The following XRN2 variants were observed in gnomAD, a reference collection of about 807,000 sequenced individuals.
XRN2 encodes the protein DHM1-like protein.
Under a neutral mutation model 138.5 loss-of-function variants are expected in XRN2, and 44 were observed. That is an observed-to-expected ratio of 0.32 (90% CI 0.25 to 0.41). The LOEUF (loss-of-function observed/expected upper bound fraction) is 0.41, where lower values mean the gene tolerates loss of function less well. XRN2 is among the 10% of genes least tolerant of loss of function. XRN2 has a pLI of 1.00. For missense variants in XRN2, 937 were observed against 1,169.3 expected (o/e 0.80, Z 2.90); for synonymous variants, 354 against 369.4 (o/e 0.96, Z 0.48).
intron 3 of XRN2, among the ~76,000 whole-genome samples, chr20:21,328,112 A>G (rs1165431030): frequency 1.3e-5 from 2 of 152,158 alleles, no homozygotes; most frequent in African/African-American, 4.8e-5. Context: ...GACATTGTGG[A>G]TCCCATTTGG....
intron 28 of XRN2, 140 bp from the exon 29 acceptor site, chr20:21,386,728 C>T: frequency 1.0e-6 from 1 of 1,000,816 alleles, no homozygotes; most frequent in Non-Finnish European, 1.4e-6. Context: ...ACACAAAGGC[C>T]ATTCTGATAC....
chr20:21,366,512 G>A (rs2038705171), intron 26 of XRN2, among the ~76,000 whole-genome samples: 1 of 150,530 alleles, frequency 6.6e-6, no homozygotes, highest in Non-Finnish European at 1.5e-5. Context: ...AGCTGAGATT[G>A]CGTCACTGCA....
chr20:21,349,948 G>T (rs2038485094), intron 20 of XRN2, among the ~76,000 whole-genome samples: 1 of 152,166 alleles, frequency 6.6e-6, no homozygotes, highest in East Asian at 1.9e-4. Context: ...AATGGGGCTT[G>T]TTACATTCAG....
At chr20:21,303,992 G>T (rs905401545) in intron 1 of XRN2, 4 of 426,412 alleles carry the variant, frequency 9.4e-6, no homozygotes, top group Non-Finnish European at 1.3e-5. Flanking sequence ...ACCATTTGTT[G>T]TTCTGGTTAG....
chr20:21,304,807 A>G (rs2037792973), intron 1 of XRN2, among the ~76,000 whole-genome samples: 1 of 152,098 alleles, frequency 6.6e-6, no homozygotes, highest in African/African-American at 2.4e-5. Context: ...AATGCTTTCT[A>G]AGGTCGATCT....
chr20:21,371,378 C>T (rs1448468738), intron 27 of XRN2, among the ~76,000 whole-genome samples: 1 of 152,168 alleles, frequency 6.6e-6, no homozygotes, highest in Non-Finnish European at 1.5e-5. Context: ...TTGAGTGGAG[C>T]TTTGTGAGGC....
chr20:21,333,545 A>G lies in XRN2; in HGVS notation c.860A>G (p.His287Arg), dbSNP rs1348624922. 1 of 1,612,620 alleles carries G rather than the reference A, an allele frequency of 6.2e-7. No homozygotes were observed. Among genetic ancestry groups the G allele is most frequent in the Non-Finnish European group, 8.5e-7 (1 of 1,178,622 alleles). The change falls in exon 10 of 30, where the codon CAT becomes CGT. Residue 287 changes from histidine (H) to arginine (R), a missense_variant and splice_region_variant. Transcript: ENST00000377191. ...EGLPREKKGK[H>R]DELADSLPCA... is the part of the protein sequence containing the mutation. Reference sequence around the variant, plus strand: ...TCATCTTCATTCCTGTTCTTGCAGCATGATGAACTTGCCGATAGTCTTCCT... The same window carrying G: ...TCATCTTCATTCCTGTTCTTGCAGCGTGATGAACTTGCCGATAGTCTTCCT...
At chr20:21,354,681 T>C in intron 20 of XRN2, 108 bp from the exon 21 acceptor site, 1 of 995,818 alleles carries the variant, frequency 1.0e-6, no homozygotes, top group Non-Finnish European at 1.5e-6. Flanking sequence ...CAAAATGTTT[T>C]TGTATCAGCA....
intron 27 of XRN2, among the ~76,000 whole-genome samples, chr20:21,376,352 C>CT (rs2038822898): frequency 6.6e-6 from 1 of 152,138 alleles, no homozygotes; most frequent in African/African-American, 2.4e-5. Flanking sequence ...GACCCTGTCT[C>CT]TTTAACATAA....
intron 1 of XRN2, among the ~76,000 whole-genome samples, chr20:21,312,537 C>T (rs754356934): frequency 7.2e-5 from 11 of 151,926 alleles, no homozygotes; most frequent in African/African-American, 2.2e-4. Context: ...TTCTGACCAT[C>T]GGAAAATGAC....
chr20:21,350,419 G>C (rs544263439), intron 20 of XRN2, among the ~76,000 whole-genome samples: 1 of 150,336 alleles, frequency 6.7e-6, no homozygotes, highest in Non-Finnish European at 1.5e-5. Context: ...CCAGCTACTC[G>C]GGAGGCAGAG....
At chr20:21,351,854 A>G (rs944156324) in intron 20 of XRN2, among the ~76,000 whole-genome samples, 1 of 152,180 alleles carries the variant, frequency 6.6e-6, no homozygotes, top group South Asian at 2.1e-4. Flanking sequence ...TCTTCCCCCC[A>G]TTGAATAAGT....
chr20:21,349,356 T>C, intron 19 of XRN2, 33 bp from the exon 20 acceptor site: 1 of 1,391,688 alleles, frequency 7.2e-7, no homozygotes, highest in Non-Finnish European at 1.0e-6. Context: ...GTGTGACTTC[T>C]GTTTTGATTC....
At chr20:21,317,767 C>G (rs2037980347) in intron 1 of XRN2, among the ~76,000 whole-genome samples, 1 of 152,162 alleles carries the variant, frequency 6.6e-6, no homozygotes, top group Non-Finnish European at 1.5e-5. Flanking sequence ...ACCAACGCAA[C>G]TGTCCATTTT....
At chr20:21,382,621 C>T (rs1000100413) in intron 28 of XRN2, among the ~76,000 whole-genome samples, 6 of 152,138 alleles carry the variant, frequency 3.9e-5, no homozygotes, top group African/African-American at 1.2e-4. Context: ...CTGAATTAAA[C>T]GCAGAAGGGA....
intron 24 of XRN2, among the ~76,000 whole-genome samples, chr20:21,358,961 A>C (rs1214260919): frequency 6.6e-6 from 1 of 152,196 alleles, no homozygotes; most frequent in African/African-American, 2.4e-5. Context: ...GCTTCAGGCC[A>C]ATTAATTCCA....
At chr20:21,309,147 T>C (rs2037843875) in intron 1 of XRN2, among the ~76,000 whole-genome samples, 1 of 152,220 alleles carries the variant, frequency 6.6e-6, no homozygotes, top group African/African-American at 2.4e-5. Flanking sequence ...AGCATTCTTG[T>C]AATGTGTAGT....
intron 26 of XRN2, among the ~76,000 whole-genome samples, chr20:21,368,012 A>G (rs1317254772): frequency 2.0e-5 from 3 of 152,216 alleles, no homozygotes; most frequent in Admixed American, 6.5e-5. Flanking sequence ...AGTATAAGAC[A>G]TCAACATAGT....
At position 21,346,488 on chromosome 20, in the gene XRN2, C is replaced by T. The variant is rs774485456; in HGVS notation, c.1603C>T (p.Arg535Cys). Residue 535 changes from arginine (R) to cysteine (C), a missense_variant, in exon 17 of 30, where the codon CGT (arginine) becomes TGT (cysteine). By Grantham distance (180) the Arg-to-Cys change is radical. Coordinates refer to ENST00000377191, the MANE Select transcript of XRN2 (RefSeq NM_012255.5). ...FDVDAADEKFRRKVVQSYVEG... is the reference protein window; with the variant it reads ...FDVDAADEKFCRKVVQSYVEG... ...TGTGGATGCAGCTGATGAGAAATTC[C>T]GTCGGAAAGTTGTGCAGTCGTACGT... 7.4e-6 allele frequency: 12 copies of T among 1,613,986 alleles called. No individual in the cohort carries two copies. The highest frequency in any genetic ancestry group is 5.3e-5 in the African/African-American group (4 of 74,904).
Sources: gnomAD v4.1 joint callset for allele counts (sites outside exome capture counted in the v4.1 genomes callset) on GRCh38, gnomAD v4.1.1 for gene constraint, MANE v1.5 for transcripts, NCBI Gene and HGNC (gene_info 2026-07-23, HGNC 2026-07-21) for gene names.